The following NBPF3 variants were observed in gnomAD, a reference collection of about 807,000 sequenced individuals.
NBPF3 encodes the protein NBPF family member NBPF3.
In NBPF3, 57 loss-of-function variants were observed where a neutral mutation model predicts 78.1. The ratio of observed to expected loss-of-function variants is 0.73; its 90% confidence interval spans 0.59 to 0.91. NBPF3 has a LOEUF of 0.91. Ranked by LOEUF, NBPF3 falls within the 40% of genes least tolerant of loss-of-function variation. NBPF3 has a pLI of 0.00. For synonymous variants in NBPF3, 182 were observed against 271.7 expected (o/e 0.67, Z 3.25); for missense variants, 510 against 715.3 (o/e 0.71, Z 3.27).
chr1:21,457,896 A>T (rs1168068110), intron 2 of NBPF3, among the ~76,000 whole-genome samples: 1 of 152,212 alleles, frequency 6.6e-6, no homozygotes, highest in Non-Finnish European at 1.5e-5. Flanking sequence ...TTACTTCTGC[A>T]ACTGATTACA....
At chr1:21,445,433 T>C (rs146325029) in intron 2 of NBPF3, among the ~76,000 whole-genome samples, 73 of 152,208 alleles carry the variant, frequency 4.8e-4, no homozygotes, top group Admixed American at 1.8e-3. Flanking sequence ...GTGGAAGTGA[T>C]TTTACTTCAG....
chr1:21,452,585 A>T (rs916961050), intron 2 of NBPF3, among the ~76,000 whole-genome samples: 1 of 152,248 alleles, frequency 6.6e-6, no homozygotes, highest in African/African-American at 2.4e-5. Flanking sequence ...TTTATGATGA[A>T]GGAGAATTAA....
chr1:21,466,952 A>T, intron 2 of NBPF3: 2 of 974,478 alleles, frequency 2.1e-6, no homozygotes, highest in South Asian at 9.5e-5. Context: ...TATGGATCCT[A>T]TGAATAATTA....
chr1:21,470,851 T>C, intron 4 of NBPF3, 117 bp downstream of exon 4: 2 of 621,732 alleles, frequency 3.2e-6, no homozygotes, highest in East Asian at 3.0e-5. Flanking sequence ...GGAATTGCCA[T>C]GGCAGGCTCA....
At chr1:21,436,895 CG>C, upstream of NBPF3, 1 of 242,176 alleles carries the variant, frequency 4.1e-6, no homozygotes, top group South Asian at 1.1e-4. The surrounding 1 kb of genome is among the most constrained non-coding windows in gnomAD (Gnocchi z 4.3). Flanking sequence ...GGGACGGGTC[CG>C]GGGAGGTCCG....
chr1:21,473,707 T>C lies in NBPF3; in HGVS notation c.940+122T>C, dbSNP rs1484793602. The C allele has an allele frequency of 4.5e-6, 4 of 882,188 alleles. No homozygotes were observed. In the East Asian group the frequency reaches 9.7e-5, roughly 21 times the overall value. The allele number at this position is 882,188 out of a possible 1,614,324, so 54.6% of individuals were successfully genotyped here. On this transcript the variant is annotated intron_variant, in intron 7 of 14. Coordinates refer to ENST00000318249, the MANE Select transcript of NBPF3 (RefSeq NM_032264.6). ...TCTATTATGGTATTCTTAACAGAGA[T>C]ATCAAGGAGGTTTTCTGTCCTTCTC...
rs368149224 is a variant in NBPF3 at position 21,471,688 on chromosome 1, C to G, written c.566C>G (p.Pro189Arg). Residue 189 changes from proline to arginine, a missense_variant, in exon 5 of 15, where the codon CCG becomes CGG. Pro to Arg is a moderately radical substitution (Grantham distance 103, BLOSUM62 -2). This residue lies in a region of NBPF3 where 440 missense variants were observed against 478.2 expected (regional missense o/e 0.92). Transcript: ENST00000318249. ...CAGCATCTCCAGGCCCTCCTCACTC[C>G]GGATGAGCCGGACAACTCCCAGGGA... ...LNQHLQALLT[P>R]DEPDNSQGRD... The G allele has an allele frequency of 3.1e-6, 5 of 1,613,492 alleles. No individual in the cohort carries two copies. The highest frequency in any genetic ancestry group is 1.7e-4 in the Middle Eastern group (1 of 5,726).
intron 7 of NBPF3, among the ~76,000 whole-genome samples, chr1:21,474,112 G>C (rs987076254): frequency 1.3e-5 from 2 of 152,106 alleles, no homozygotes; most frequent in African/African-American, 4.8e-5. Context: ...AGCAAGGCTG[G>C]ACCCTGGTTC....
chr1:21,463,946 G>C (rs904998276), intron 2 of NBPF3, among the ~76,000 whole-genome samples: 8 of 152,162 alleles, frequency 5.3e-5, no homozygotes, highest in Non-Finnish European at 1.0e-4. Flanking sequence ...AAAAAATAAA[G>C]ACAACACATG....
At chr1:21,453,969 T>G (rs1641455498) in intron 2 of NBPF3, 2 of 152,222 alleles carry the variant, frequency 1.3e-5, no homozygotes, top group African/African-American at 2.4e-5. Flanking sequence ...CTTCTGTGGC[T>G]TGTTGGATTC....
At chr1:21,462,793 T>C (rs1163163223) in intron 2 of NBPF3, among the ~76,000 whole-genome samples, 1 of 152,192 alleles carries the variant, frequency 6.6e-6, no homozygotes, top group Non-Finnish European at 1.5e-5. Flanking sequence ...TCCTCACTAG[T>C]TTTGTGACCT....
At chr1:21,441,032 C>G (rs1297608481) in intron 1 of NBPF3, 7 of 152,234 alleles carry the variant, frequency 4.6e-5, no homozygotes, top group African/African-American at 1.4e-4. Context: ...GTCCTTTCAC[C>G]GAAGAGTTAA....
intron 7 of NBPF3, 125 bp from the exon 8 acceptor site, chr1:21,474,772 GCTC>G (rs1480606730): frequency 4.5e-6 from 4 of 882,808 alleles, no homozygotes; most frequent in Non-Finnish European, 3.6e-6. Context: ...ACCCTGGAGT[GCTC>G]CTGTCAGAAT....
intron 2 of NBPF3, among the ~76,000 whole-genome samples, chr1:21,455,346 T>A (rs1256868719): frequency 6.6e-6 from 1 of 152,170 alleles, no homozygotes; most frequent in Non-Finnish European, 1.5e-5. Context: ...CAGGAAGAAG[T>A]GATTATATAA....
At chr1:21,472,306 T>C (rs923418453) in intron 5 of NBPF3, among the ~76,000 whole-genome samples, 3 of 152,130 alleles carry the variant, frequency 2.0e-5, no homozygotes, top group African/African-American at 7.2e-5. Context: ...CGCCATGTGG[T>C]GTTAGAGAAG....
chr1:21,469,340 C>G (rs191462613), intron 3 of NBPF3, among the ~76,000 whole-genome samples: 2 of 152,144 alleles, frequency 1.3e-5, no homozygotes, highest in Admixed American at 1.3e-4. Context: ...CTGAGGAAAA[C>G]TTGGTGATAG....
At position 21,480,423 on chromosome 1, in the gene NBPF3, C is replaced by G. The variant is rs1229182583; in HGVS notation, c.1381+200C>G. 1.8e-5 allele frequency among the ~76,000 whole-genome samples: 2 copies of G among 112,862 alleles called. 1 individual carries two copies. The highest frequency in any genetic ancestry group is 4.4e-5 in the Non-Finnish European group (2 of 45,742). 74.0% of individuals were successfully genotyped at this position (112,862 alleles called of 152,430 possible). A position where few individuals can be genotyped will look rare whatever the true frequency, so the allele number is the denominator to read the frequency against. On this transcript the variant is annotated intron_variant, in intron 11 of 14. Coordinates refer to ENST00000318249, the MANE Select transcript of NBPF3 (RefSeq NM_032264.6). ...ATGGGTCAGTGAGCATGGCTCTATT[C>G]CTAGTCTCCAGCCATGCCTGTGGCA... is the stretch of plus-strand genomic sequence containing the variant.
At chr1:21,438,919 C>T (rs1425392127), upstream of NBPF3, among the ~76,000 whole-genome samples, 2 of 152,244 alleles carry the variant, frequency 1.3e-5, no homozygotes, top group African/African-American at 4.8e-5. Context: ...CAGAGGGTGG[C>T]AAACACAGGC....
At chr1:21,471,504 C>T in intron 4 of NBPF3, 65 bp from the exon 5 acceptor site, 2 of 1,608,976 alleles carry the variant, frequency 1.2e-6, no homozygotes, top group Non-Finnish European at 1.7e-6. Flanking sequence ...ATCTGTGTTG[C>T]AAAATATTAG....
Sources: allele counts gnomAD v4.1 joint callset (sites outside exome capture counted in the v4.1 genomes callset), GRCh38; gene constraint gnomAD v4.1.1; regional missense constraint gnomAD v4.1.1; non-coding constraint Gnocchi (gnomAD v3.1); transcripts MANE v1.5; gene names NCBI Gene and HGNC (gene_info 2026-07-23, HGNC 2026-07-21).